LRRC4C: variants seen among roughly 807,000 people sequenced by gnomAD.
The protein encoded by LRRC4C is leucine rich repeat containing 4C.
A neutral mutation model predicts 33.6 loss-of-function variants in LRRC4C; 5 were observed. That is an observed-to-expected ratio of 0.15 (90% CI 0.08 to 0.31). LRRC4C has a LOEUF of 0.31. LRRC4C is among the 10% of genes least tolerant of loss of function. LRRC4C has a pLI of 1.00. For synonymous variants in LRRC4C, 329 were observed against 302.0 expected (o/e 1.09, Z -0.93); for missense variants, 560 against 796.7 (o/e 0.70, Z 3.58).
At chr11:40,997,203 C>T (rs921909508) in intron 1 of LRRC4C, among the ~76,000 whole-genome samples, 1 of 151,722 alleles carries the variant, frequency 6.6e-6, no homozygotes, top group Non-Finnish European at 1.5e-5. Context: ...AGAGTATATA[C>T]TGTGAGAAGA....
chr11:41,239,457 A>G (rs1948162972), intron 1 of LRRC4C, among the ~76,000 whole-genome samples: 2 of 151,746 alleles, frequency 1.3e-5, no homozygotes, highest in Admixed American at 6.6e-5. Context: ...TCATACACAC[A>G]CTGCTGCAAC....
chr11:40,687,133 G>T (rs1338991796), intron 2 of LRRC4C, among the ~76,000 whole-genome samples: 1 of 152,054 alleles, frequency 6.6e-6, no homozygotes, highest in Admixed American at 6.6e-5. Context: ...TGACATTGTG[G>T]TTTTTAAGGC....
chr11:40,386,860 T>A (rs964325833), intron 3 of LRRC4C, among the ~76,000 whole-genome samples: 1 of 152,142 alleles, frequency 6.6e-6, no homozygotes, highest in Non-Finnish European at 1.5e-5. Context: ...CATACATAAT[T>A]CTAATGTGGG....
At chr11:41,451,918 C>T (rs1956038417) in intron 1 of LRRC4C, among the ~76,000 whole-genome samples, 1 of 151,992 alleles carries the variant, frequency 6.6e-6, no homozygotes, top group African/African-American at 2.4e-5. Flanking sequence ...AGACTGCTGT[C>T]ACTATGCATG....
Position 40,888,942 on chromosome 11 carries a change from T to C in LRRC4C, c.-407+44693A>G, listed in dbSNP as rs563980781. Among the ~76,000 whole-genome samples the C allele has an allele frequency of 1.3e-5, 2 of 152,102 alleles. 1 individual carries two copies. Among genetic ancestry groups the C allele is most frequent in the South Asian group, 4.1e-4 (2 of 4,824 alleles). ...AATTAATACATTAAATATCGTTATTTAAGGCAATGAGCCATTATTAATAAA... is the reference window on the plus strand; with the variant it reads ...AATTAATACATTAAATATCGTTATTCAAGGCAATGAGCCATTATTAATAAA... On this transcript the variant is annotated intron_variant, in intron 2 of 6. Coordinates refer to ENST00000528697, the MANE Select transcript of LRRC4C (RefSeq NM_001258419.2).
At chr11:40,277,393 C>T (rs1378895923) in intron 4 of LRRC4C, among the ~76,000 whole-genome samples, 1 of 151,914 alleles carries the variant, frequency 6.6e-6, no homozygotes, top group Non-Finnish European at 1.5e-5. Context: ...TGGGTAGCTG[C>T]CCTGGCCAAA....
At chr11:40,273,703 A>G (rs1942878922) in intron 4 of LRRC4C, among the ~76,000 whole-genome samples, 2 of 152,192 alleles carry the variant, frequency 1.3e-5, no homozygotes, top group Non-Finnish European at 2.9e-5. Context: ...AAATGTTCAA[A>G]AAATTGTAAA....
intron 1 of LRRC4C, among the ~76,000 whole-genome samples, chr11:41,363,600 C>T (rs926849545): frequency 3.3e-5 from 5 of 152,062 alleles, no homozygotes; most frequent in Non-Finnish European, 7.4e-5. Context: ...TATCAGCTCC[C>T]GTCAGACTAT....
chr11:40,982,368 G>A (rs1047484141), intron 1 of LRRC4C, among the ~76,000 whole-genome samples: 4 of 152,154 alleles, frequency 2.6e-5, no homozygotes, highest in Admixed American at 6.5e-5. Context: ...ATAAAACAGA[G>A]TCACCTGACT....
At chr11:40,672,357 C>T (rs1324981259) in intron 2 of LRRC4C, among the ~76,000 whole-genome samples, 1 of 152,160 alleles carries the variant, frequency 6.6e-6, no homozygotes, top group Non-Finnish European at 1.5e-5. Context: ...CTCCTAATAC[C>T]ATCATCTTGG....
chr11:40,919,565 T>C (rs1309872368), intron 2 of LRRC4C, among the ~76,000 whole-genome samples: 1 of 152,118 alleles, frequency 6.6e-6, no homozygotes, highest in Non-Finnish European at 1.5e-5. Context: ...GCGTATTCTG[T>C]GATTATTGGT....
chr11:40,811,608 C>T (rs939171112), intron 2 of LRRC4C, among the ~76,000 whole-genome samples: 1 of 152,164 alleles, frequency 6.6e-6, no homozygotes, highest in Non-Finnish European at 1.5e-5. Flanking sequence ...AGCAATTCTC[C>T]TGCCTCAGCC....
At chr11:40,542,068 C>T (rs10837434) in intron 3 of LRRC4C, among the ~76,000 whole-genome samples, 32 of 80,122 alleles carry the variant, frequency 4.0e-4, no homozygotes, top group East Asian at 1.4e-3. Flanking sequence ...CTTTCTTTCT[C>T]TCTCTCTTTT....
At chr11:41,019,906 C>G (rs558936216) in intron 1 of LRRC4C, among the ~76,000 whole-genome samples, 6 of 151,984 alleles carry the variant, frequency 3.9e-5, no homozygotes, top group African/African-American at 1.2e-4. Flanking sequence ...GCTTGTAAAT[C>G]CTGGATATTA....
intron 1 of LRRC4C, among the ~76,000 whole-genome samples, chr11:41,343,446 C>T (rs570317458): frequency 4.6e-5 from 7 of 152,206 alleles, no homozygotes; most frequent in Non-Finnish European, 1.0e-4. Flanking sequence ...GAATATTTTC[C>T]GGGCCATGTA....
intron 3 of LRRC4C, among the ~76,000 whole-genome samples, chr11:40,365,323 G>A (rs1948158217): frequency 1.3e-5 from 2 of 151,902 alleles, no homozygotes; most frequent in African/African-American, 4.8e-5. Flanking sequence ...TTGATAGGAG[G>A]GTACACTAAA....
At chr11:41,044,599 A>C (rs1050841402) in intron 1 of LRRC4C, among the ~76,000 whole-genome samples, 1 of 152,178 alleles carries the variant, frequency 6.6e-6, no homozygotes, top group Admixed American at 6.6e-5. Flanking sequence ...CACACAAAAA[A>C]GCTATGCTCA....
At chr11:40,326,172 A>C (rs182310547) in intron 3 of LRRC4C, among the ~76,000 whole-genome samples, 21 of 152,290 alleles carry the variant, frequency 1.4e-4, no homozygotes, top group Non-Finnish European at 2.4e-4. Context: ...GTATTTACCA[A>C]AATTAAGTCA....
chr11:41,358,446 C>T (rs919602651), intron 1 of LRRC4C, among the ~76,000 whole-genome samples: 2 of 151,994 alleles, frequency 1.3e-5, no homozygotes, highest in Non-Finnish European at 2.9e-5. Flanking sequence ...AAGACAATAT[C>T]AAGAGAAGGA....
Sources: allele counts gnomAD v4.1 joint callset (sites outside exome capture counted in the v4.1 genomes callset), GRCh38; gene constraint gnomAD v4.1.1; transcripts MANE v1.5; gene names NCBI Gene and HGNC (gene_info 2026-07-23, HGNC 2026-07-21).